Variants in KDM4B observed in about 807,000 individuals in gnomAD.
KDM4B encodes the protein lysine-specific demethylase 4B.
A neutral mutation model predicts 125.2 loss-of-function variants in KDM4B; 32 were observed. The ratio of observed to expected loss-of-function variants is 0.26; its 90% confidence interval spans 0.19 to 0.34. The LOEUF (loss-of-function observed/expected upper bound fraction) is 0.34. Ranked by LOEUF, KDM4B falls within the 10% of genes least tolerant of loss-of-function variation. The pLI is 1.00. For missense variants in KDM4B, 1,190 were observed against 1,577.7 expected, an observed-to-expected ratio of 0.75 and a Z score of 4.16; for synonymous variants, 721 against 677.9, an observed-to-expected ratio of 1.06 and a Z score of -0.99.
chr19:5,151,588 T>A lies in KDM4B; in HGVS notation c.*77T>A. The A allele has an allele frequency of 8.2e-7, 1 of 1,223,338 alleles. No individual in the cohort carries two copies. Among genetic ancestry groups the A allele is most frequent in the South Asian group, 2.6e-5 (1 of 39,032 alleles). The allele number at this position is 1,223,338 out of a possible 1,614,324, so 75.8% of individuals were successfully genotyped here. A position where few individuals can be genotyped will look rare whatever the true frequency, so the allele number is the denominator to read the frequency against. ...CCCCGGGCGTTCGCTTGCTGTGAAT[T>A]CCTGTCCTCGTGTCCCCGACCCCCG... On this transcript the variant is annotated 3_prime_UTR_variant, in exon 23 of 23. Transcript: ENST00000159111.
chr19:5,021,383 C>G (rs1244959359), intron 2 of KDM4B, among the ~76,000 whole-genome samples: 1 of 152,082 alleles, frequency 6.6e-6, no homozygotes, highest in Non-Finnish European at 1.5e-5. Flanking sequence ...TGCTTGAGGC[C>G]AGAAGTTCAA....
chr19:4,974,356 C>G lies in KDM4B; in HGVS notation c.-109+5126C>G, dbSNP rs1044856211. On this transcript the variant is annotated intron_variant, in intron 1 of 22. Transcript: ENST00000159111. ...GGCGGAGCTTGCAGTGAGTTGAGAT[C>G]GCGCCACTGTACTCCAGCCTGGGCG... Among the ~76,000 whole-genome samples, 3 of 151,640 alleles carry G rather than the reference C, an allele frequency of 2.0e-5. No individual in the cohort carries two copies. In the South Asian group the frequency reaches 6.2e-4, roughly 31 times the overall value.
chr19:5,093,741 T>A (rs1317169149), intron 9 of KDM4B, among the ~76,000 whole-genome samples: 1 of 152,222 alleles, frequency 6.6e-6, no homozygotes, highest in African/African-American at 2.4e-5. Flanking sequence ...TCGCCCCGGT[T>A]GGTGTCTGCT....
intron 6 of KDM4B, among the ~76,000 whole-genome samples, chr19:5,050,452 G>T (rs1207517634): frequency 5.3e-5 from 8 of 152,370 alleles, no homozygotes; most frequent in African/African-American, 1.9e-4. Flanking sequence ...GGCCGGGGGG[G>T]CCGGAGTGCA....
Position 5,107,621 on chromosome 19 carries a change from A to G in KDM4B, c.919-3001A>G, listed in dbSNP as rs559394019. Among the ~76,000 whole-genome samples the G allele has an allele frequency of 2.0e-5, 3 of 152,322 alleles. No homozygotes were observed. The East Asian group carries it at 5.8e-4, about 29-fold the overall frequency. ...AGTAGAACAGCCCACAGAAGTCCTC[A>G]TGGGCCTGGCTCACCCTTTTCATGG... On this transcript the variant is annotated intron_variant, in intron 9 of 22. Coordinates refer to ENST00000159111, the MANE Select transcript of KDM4B (RefSeq NM_015015.3).
intron 11 of KDM4B, among the ~76,000 whole-genome samples, chr19:5,128,889 G>T (rs1388761961): frequency 6.6e-6 from 1 of 150,964 alleles, no homozygotes; most frequent in Non-Finnish European, 1.5e-5. Flanking sequence ...ACAGCGGGGG[G>T]CCCGGATACC....
intron 1 of KDM4B, among the ~76,000 whole-genome samples, chr19:4,992,281 G>A (rs770556943): frequency 4.6e-5 from 7 of 152,062 alleles, no homozygotes; most frequent in South Asian, 2.1e-4. Flanking sequence ...ATTTTTGCTC[G>A]TTATCTTTGT....
In KDM4B at chr19:5,062,476, C is replaced by T. The variant is rs936269200; in HGVS notation, c.627-8534C>T. Among the ~76,000 whole-genome samples, 11 of 152,336 alleles carry T rather than the reference C, an allele frequency of 7.2e-5. 1 individual carries two copies. The South Asian group carries it at 1.9e-3, about 26-fold the overall frequency. ...TGTGGAGGGGTTTTACCCAGGGAGG[C>T]ACTGGCTTCCCAGGTCAGAGCCTGT... On this transcript the variant is annotated intron_variant, in intron 6 of 22. Transcript: ENST00000159111.
rs1423428712 is a variant in KDM4B, at chr19:5,141,739, C to G, written c.2551-2228C>G. Among the ~76,000 whole-genome samples the G allele has an allele frequency of 1.3e-5, 2 of 152,224 alleles. No individual in the cohort carries two copies. Among genetic ancestry groups the G allele is most frequent in the East Asian group, 1.9e-4 (1 of 5,188 alleles). On this transcript the variant is annotated intron_variant, in intron 18 of 22. Transcript: ENST00000159111. The surrounding 1 kb of genome is among the most constrained non-coding windows in gnomAD (Gnocchi z 6.4). ...GCCGCCCGCCTGGGCCAAGTTATCA[C>G]CACGTTCTCAAGGCCGTGCTGCTGA...
intron 1 of KDM4B, among the ~76,000 whole-genome samples, chr19:5,013,796 T>TG (rs1266678203): frequency 3.9e-5 from 6 of 152,350 alleles, no homozygotes; most frequent in African/African-American, 1.4e-4. Flanking sequence ...TCCCAGGGTC[T>TG]GGGGGTTAGG....
intron 1 of KDM4B, among the ~76,000 whole-genome samples, chr19:4,980,523 A>C (rs2034601534): frequency 6.8e-6 from 1 of 147,732 alleles, no homozygotes; most frequent in South Asian, 2.1e-4. Context: ...TCCTGGGTTC[A>C]AGTGATTCTC....
At chr19:5,109,103 C>T (rs970801094) in intron 9 of KDM4B, among the ~76,000 whole-genome samples, 13 of 152,198 alleles carry the variant, frequency 8.5e-5, no homozygotes, top group African/African-American at 2.9e-4. Flanking sequence ...GCCCATCATC[C>T]GTGATGCTTT....
intron 16 of KDM4B, 121 bp from the exon 17 acceptor site, chr19:5,137,500 G>T: frequency 8.1e-7 from 1 of 1,241,768 alleles, no homozygotes; most frequent in Non-Finnish European, 1.1e-6. Flanking sequence ...CGTCACTTTG[G>T]TGGCTGCTAG....
rs2038344193 is a variant in KDM4B, at chr19:5,082,830, T to G, written c.918+326T>G. On this transcript the variant is annotated intron_variant, in intron 9 of 22. Coordinates refer to ENST00000159111, the MANE Select transcript of KDM4B (RefSeq NM_015015.3). This position sits in a 1 kb window ranked among gnomAD's most constrained non-coding sequence, Gnocchi z 5.4. The stretch of plus-strand genomic sequence containing the variant: ...GCTCGGGTCTAGGGGTTGGGGTGTT[T>G]CCTCCACCAGCACCATTGTCCCCCC... 6.6e-6 allele frequency among the ~76,000 whole-genome samples: 1 copy of G among 152,186 alleles called. No homozygotes were observed. Among genetic ancestry groups the G allele is most frequent in the South Asian group, 2.1e-4 (1 of 4,824 alleles).
In KDM4B at chr19:5,078,169, G is replaced by A. The variant is rs2038178167; in HGVS notation, c.780+699G>A. The A allele has an allele frequency of 2.0e-5, 3 of 152,704 alleles. No individual in the cohort carries two copies. The highest frequency in any genetic ancestry group is 7.2e-5 in the African/African-American group (3 of 41,460). The allele number at this position is 152,704 out of a possible 1,614,324, so 9.5% of individuals were successfully genotyped here. A position where few individuals can be genotyped will look rare whatever the true frequency, so the allele number is the denominator to read the frequency against. The stretch of plus-strand genomic sequence containing the variant: ...CCACTCGAGGCAGTTCCTTCCCCAT[G>A]GAGAAGCCTTTGTCCATGGGAGAGT... On this transcript the variant is annotated intron_variant, in intron 8 of 22. Transcript: ENST00000159111. The surrounding 1 kb of genome is among the most constrained non-coding windows in gnomAD (Gnocchi z 4.5).
intron 17 of KDM4B, 23 bp downstream of exon 17, chr19:5,137,699 G>T: frequency 6.4e-7 from 1 of 1,563,682 alleles, no homozygotes. Flanking sequence ...GCGCGTTGGG[G>T]CTGGAGGGCC....
At chr19:5,038,216 G>T (rs1016024708) in intron 3 of KDM4B, among the ~76,000 whole-genome samples, 1 of 152,242 alleles carries the variant, frequency 6.6e-6, no homozygotes, top group East Asian at 1.9e-4. Flanking sequence ...CCAGGACTGG[G>T]TGTGGCAGCC....
chr19:5,010,908 A>G (rs2035708026), intron 1 of KDM4B, among the ~76,000 whole-genome samples: 1 of 152,120 alleles, frequency 6.6e-6, no homozygotes, highest in Non-Finnish European at 1.5e-5. Context: ...TCGGCCTCCC[A>G]AAGTGCTGGG....
intron 1 of KDM4B, among the ~76,000 whole-genome samples, chr19:4,985,354 G>T (rs1184724314): frequency 6.6e-6 from 1 of 152,158 alleles, no homozygotes; most frequent in East Asian, 1.9e-4. Context: ...TGACAGTGAA[G>T]TGGAAACAAA....
Sources: gnomAD v4.1 joint callset for allele counts (sites outside exome capture counted in the v4.1 genomes callset) on GRCh38, gnomAD v4.1.1 for gene constraint, Gnocchi (gnomAD v3.1) non-coding constraint, MANE v1.5 for transcripts, NCBI Gene and HGNC (gene_info 2026-07-23, HGNC 2026-07-21) for gene names.